The following SOX5 variants were observed in gnomAD, a reference collection of about 807,000 sequenced individuals.
SOX5 encodes the protein SRY-box transcription factor 5, also known as transcription factor SOX-5.
SOX5 carries 9 observed loss-of-function variants against 92.0 expected under a neutral mutation model. The observed-to-expected ratio is 0.10, with a 90% CI of 0.06 to 0.17. The LOEUF (loss-of-function observed/expected upper bound fraction) is 0.17, where lower values mean the gene tolerates loss of function less well. Ranked by LOEUF, SOX5 falls within the 10% of genes least tolerant of loss-of-function variation. SOX5 has a pLI of 1.00. For synonymous variants in SOX5, 344 were observed against 336.3 expected, an observed-to-expected ratio of 1.02 and a Z score of -0.25; for missense variants, 642 against 944.5, an observed-to-expected ratio of 0.68 and a Z score of 4.20.
At chr12:23,917,317 A>G (rs2097427233) in intron 1 of SOX5, among the ~76,000 whole-genome samples, 1 of 151,994 alleles carries the variant, frequency 6.6e-6, no homozygotes, top group East Asian at 1.9e-4. Context: ...GAGGCGGGCA[A>G]ATCACATGAT....
chr12:23,852,483 GT>G (rs1229033065), intron 2 of SOX5, among the ~76,000 whole-genome samples: 1 of 151,780 alleles, frequency 6.6e-6, no homozygotes, highest in Admixed American at 6.6e-5. Context: ...ACTCTTTAAT[GT>G]TTTTTTCAAA....
chr12:24,233,393 G>A (rs1963814447), intron 3 of SOX5, among the ~76,000 whole-genome samples: 1 of 151,996 alleles, frequency 6.6e-6, no homozygotes, highest in Non-Finnish European at 1.5e-5. Context: ...CAAGCAAAAA[G>A]TATGCCACAG....
intron 2 of SOX5, among the ~76,000 whole-genome samples, chr12:23,863,793 TACACACACAC>T (rs71059936): frequency 0.015 from 2,160 of 145,774 alleles, 37 homozygotes; most frequent in Middle Eastern, 0.035. Flanking sequence ...TTAAACACAC[TACACACACAC>T]ACACACACAC....
At chr12:23,937,599 T>C (rs1054910577) in intron 1 of SOX5, among the ~76,000 whole-genome samples, 2 of 150,958 alleles carry the variant, frequency 1.3e-5, no homozygotes, top group Non-Finnish European at 3.0e-5. Flanking sequence ...AAGCAAACAG[T>C]ACTTTATCTC....
intron 2 of SOX5, among the ~76,000 whole-genome samples, chr12:23,895,208 C>CCAAAA (rs1555410875): frequency 1.1e-5 from 1 of 91,324 alleles, no homozygotes; most frequent in Non-Finnish European, 2.1e-5. Context: ...GAATAGGATG[C>CCAAAA]AAAAAAAAAA....
chr12:23,880,066 A>T (rs1568576161), intron 2 of SOX5, among the ~76,000 whole-genome samples: 1 of 152,212 alleles, frequency 6.6e-6, no homozygotes, highest in Non-Finnish European at 1.5e-5. Flanking sequence ...CCACAGCAGT[A>T]CCCTAAGAAA....
At chr12:24,054,528 C>T (rs1957910455) in intron 4 of SOX5, among the ~76,000 whole-genome samples, 1 of 152,110 alleles carries the variant, frequency 6.6e-6, no homozygotes, top group Non-Finnish European at 1.5e-5. Flanking sequence ...ATGGTAACAA[C>T]AATAATTTTT....
In SOX5 at chr12:24,424,563, C is replaced by G. The variant is rs771675817; in HGVS notation, c.-250-55924G>C. Among the ~76,000 whole-genome samples the G allele has an allele frequency of 4.1e-4, 62 of 152,210 alleles. 1 individual carries two copies. The highest frequency in any genetic ancestry group is 7.2e-4 in the Admixed American group (11 of 15,298). On this transcript the variant is annotated intron_variant, in intron 1 of 4. Transcript: ENST00000446891. ...GGGGCACTTGTCTTCCCCCCACCCC[C>G]CAAGTTACTAGTAAGTTCACCAAAA...
chr12:24,409,383 T>C (rs900401714), intron 1 of SOX5, among the ~76,000 whole-genome samples: 1 of 152,048 alleles, frequency 6.6e-6, no homozygotes, highest in Non-Finnish European at 1.5e-5. Flanking sequence ...TCAATAGGTG[T>C]AGCAAACCAC....
At chr12:23,901,256 C>G (rs746493903) in intron 1 of SOX5, among the ~76,000 whole-genome samples, 10 of 152,064 alleles carry the variant, frequency 6.6e-5, no homozygotes, top group Non-Finnish European at 1.5e-4. Context: ...TAGGCAGCCT[C>G]TACAAGCTAG....
chr12:23,553,344 A>C (rs2136188950), intron 11 of SOX5, among the ~76,000 whole-genome samples: 1 of 152,176 alleles, frequency 6.6e-6, no homozygotes, highest in South Asian at 2.1e-4. Flanking sequence ...CTTAAAATAG[A>C]AAACCGCTGC....
At chr12:24,299,336 G>GA (rs1473602372) in intron 2 of SOX5, among the ~76,000 whole-genome samples, 1 of 152,008 alleles carries the variant, frequency 6.6e-6, no homozygotes, top group Admixed American at 6.6e-5. Flanking sequence ...GAATAAATGG[G>GA]AAAAAACAGA....
rs1417847463 is a variant in SOX5 at position 23,533,449 on chromosome 12, G to C, written c.*770C>G. ...CACTGTCCTAACTTAAGAAGGAAAA[G>C]GAAAAAGTAAAGAGAAAAAATGAAC... On this transcript the variant is annotated 3_prime_UTR_variant, in exon 15 of 15. Transcript: ENST00000451604. 2 of 187,654 alleles carry C rather than the reference G, an allele frequency of 1.1e-5. No individual in the cohort carries two copies. The highest frequency in any genetic ancestry group is 2.3e-5 in the Non-Finnish European group (2 of 88,034). 11.6% of individuals were successfully genotyped at this position (187,654 alleles called of 1,614,324 possible).
intron 1 of SOX5, among the ~76,000 whole-genome samples, chr12:24,478,993 C>T (rs1034778803): frequency 2.6e-5 from 4 of 152,314 alleles, no homozygotes; most frequent in Admixed American, 1.3e-4. Flanking sequence ...ATCTACTCTT[C>T]GAGCTCCATT....
chr12:24,147,445 C>A (rs368592675), intron 4 of SOX5, among the ~76,000 whole-genome samples: 134 of 152,216 alleles, frequency 8.8e-4, no homozygotes, highest in African/African-American at 3.1e-3. Flanking sequence ...ATGAAGAACA[C>A]CTACAAAAAA....
chr12:23,878,452 C>G (rs1257405941), intron 2 of SOX5, among the ~76,000 whole-genome samples: 2 of 151,928 alleles, frequency 1.3e-5, no homozygotes, highest in Admixed American at 6.6e-5. Context: ...TGTTTTATCT[C>G]TATATAACAA....
chr12:23,958,302 A>G (rs1946503776), intron 4 of SOX5, among the ~76,000 whole-genome samples: 1 of 152,064 alleles, frequency 6.6e-6, no homozygotes, highest in Admixed American at 6.6e-5. Flanking sequence ...AGAAAAAAGG[A>G]AAGAATCAAT....
intron 4 of SOX5, among the ~76,000 whole-genome samples, chr12:24,045,490 G>C (rs1412663572): frequency 6.6e-6 from 1 of 151,996 alleles, no homozygotes; most frequent in Non-Finnish European, 1.5e-5. Context: ...GTAGAGGTGG[G>C]GGTCTTACTA....
intron 12 of SOX5, 24 bp from the exon 13 acceptor site, chr12:23,543,408 G>A (rs748318129): frequency 5.6e-6 from 9 of 1,593,122 alleles, no homozygotes; most frequent in East Asian, 2.2e-5. Context: ...ACATCACTTC[G>A]TGTTAGCGTT....
Sources: allele counts gnomAD v4.1 joint callset (sites outside exome capture counted in the v4.1 genomes callset), GRCh38; gene constraint gnomAD v4.1.1; transcripts MANE v1.5; gene names NCBI Gene and HGNC (gene_info 2026-07-23, HGNC 2026-07-21).